Variants in CRISPLD2 observed in about 807,000 individuals in gnomAD.
CRISPLD2 encodes the protein cysteine rich secretory protein LCCL domain containing 2, also known as cysteine-rich secretory protein LCCL domain-containing 2.
In CRISPLD2, 47 loss-of-function variants were observed where a neutral mutation model predicts 71.1. The observed-to-expected ratio is 0.66, with a 90% CI of 0.52 to 0.84. The LOEUF (loss-of-function observed/expected upper bound fraction) is 0.84. Among genes scored for constraint, CRISPLD2 ranks in the 40% least tolerant of loss-of-function variants. The probability of loss-of-function intolerance (pLI) is 0.00; values close to 1 mark genes in which losing one functional copy is unlikely to be tolerated. For missense variants in CRISPLD2, 830 were observed against 651.1 expected (o/e 1.27, Z -2.99); for synonymous variants, 317 against 250.1 (o/e 1.27, Z -2.52).
At chr16:84,876,511 A>G (rs987925667) in intron 11 of CRISPLD2, among the ~76,000 whole-genome samples, 1 of 150,528 alleles carries the variant, frequency 6.6e-6, no homozygotes, top group African/African-American at 2.5e-5. Context: ...CAAAAAAAAA[A>G]GGCCGGTGCA....
At chr16:84,852,163 C>A (rs1020191851) in intron 5 of CRISPLD2, among the ~76,000 whole-genome samples, 64 of 152,234 alleles carry the variant, frequency 4.2e-4, no homozygotes, top group African/African-American at 1.5e-3. Flanking sequence ...AGGACTTCAC[C>A]TGTTGACGTC....
chr16:84,834,243 G>A (rs375420071), intron 1 of CRISPLD2, among the ~76,000 whole-genome samples: 3 of 152,220 alleles, frequency 2.0e-5, no homozygotes, highest in South Asian at 2.1e-4. Context: ...GGTCTTCCCC[G>A]GCGGCCCCCT....
intron 6 of CRISPLD2, among the ~76,000 whole-genome samples, chr16:84,860,969 G>C (rs999571968): frequency 6.6e-6 from 1 of 152,076 alleles, no homozygotes; most frequent in African/African-American, 2.4e-5. Context: ...CACTTTGTCC[G>C]GTGAACTTAG....
At chr16:84,887,185 G>A (rs939169029) in intron 13 of CRISPLD2, among the ~76,000 whole-genome samples, 1 of 152,214 alleles carries the variant, frequency 6.6e-6, no homozygotes, top group African/African-American at 2.4e-5. Context: ...GAGCGTTTCA[G>A]AGGTGACATA....
intron 14 of CRISPLD2, among the ~76,000 whole-genome samples, chr16:84,904,445 G>A (rs59296050): frequency 0.61 from 92,452 of 151,816 alleles, 28,523 homozygotes; most frequent in East Asian, 0.84. Flanking sequence ...TTAGCCCCGC[G>A]TGGTGGTGTG....
chr16:84,898,970 G>A (rs1324643348), intron 14 of CRISPLD2, among the ~76,000 whole-genome samples: 1 of 152,140 alleles, frequency 6.6e-6, no homozygotes, highest in Non-Finnish European at 1.5e-5. Context: ...AGTTGTGATT[G>A]CACCATTGCA....
chr16:84,850,019 C>T (rs1435422992), intron 4 of CRISPLD2, among the ~76,000 whole-genome samples: 2 of 151,884 alleles, frequency 1.3e-5, no homozygotes, highest in African/African-American at 4.8e-5. Flanking sequence ...AGCTACTGCA[C>T]TCAACCGAGA....
At chr16:84,905,251 A>G (rs1389216697) in intron 14 of CRISPLD2, among the ~76,000 whole-genome samples, 3 of 152,216 alleles carry the variant, frequency 2.0e-5, no homozygotes, top group Non-Finnish European at 4.4e-5. Context: ...TTGGTGACAG[A>G]CCTTGTGTCT....
chr16:84,894,441 C>G (rs1005804215), intron 14 of CRISPLD2, among the ~76,000 whole-genome samples: 1 of 152,144 alleles, frequency 6.6e-6, no homozygotes, highest in South Asian at 2.1e-4. Flanking sequence ...TATATGGGTG[C>G]ACAGCCATCT....
chr16:84,881,263 A>G (rs1438381789), intron 13 of CRISPLD2, among the ~76,000 whole-genome samples: 1 of 152,240 alleles, frequency 6.6e-6, no homozygotes, highest in East Asian at 1.9e-4. Flanking sequence ...TCAGTTATGC[A>G]CACACTTAGC....
At chr16:84,830,120 C>T (rs144423431) in intron 1 of CRISPLD2, among the ~76,000 whole-genome samples, 319 of 152,002 alleles carry the variant, frequency 2.1e-3, no homozygotes, top group Non-Finnish European at 3.7e-3. Flanking sequence ...CTCGGGAGTT[C>T]GAGGGTGGCC....
Position 84,873,087 on chromosome 16 carries a change from C to T in CRISPLD2, c.1077C>T (p.Phe359=), listed in dbSNP as rs762791289. Reference sequence around the variant, plus strand: ...CCAGGAACGGGAAGGTCCCCTTCTTCGTGAAGTCTGAGAGACACGGCGTGC... The same window carrying T: ...CCAGGAACGGGAAGGTCCCCTTCTTTGTGAAGTCTGAGAGACACGGCGTGC... ...DITRNGKVPF[F]VKSERHGVQS... The change falls in exon 10 of 15, where the codon TTC becomes TTT. Residue 359 remains phenylalanine, a synonymous_variant. Transcript: ENST00000262424. 1.2e-5 allele frequency: 20 copies of T among 1,613,976 alleles called. No individual in the cohort carries two copies. Among genetic ancestry groups the T allele is most frequent in the Middle Eastern group, 1.6e-4 (1 of 6,062 alleles).
Position 84,849,410 on chromosome 16 carries a change from C to G in CRISPLD2, c.385C>G (p.Gln129Glu). Residue 129 changes from glutamine (Q) to glutamate (E), a missense_variant, in exon 4 of 15, where the codon CAG (glutamine) becomes GAG (glutamate). Gln to Glu is a conservative substitution (Grantham distance 29). Coordinates refer to ENST00000262424, the MANE Select transcript of CRISPLD2 (RefSeq NM_031476.4). Reference protein sequence around the residue: ...GRYRSPGFHVQSWYDEVKDYT... With the variant: ...GRYRSPGFHVESWYDEVKDYT... ...GTATCGCTCTCCGGGGTTCCATGTG[C>G]AGTCCTGGTATGACGAGGTGAAGGA... 1 of 1,614,010 alleles carries G rather than the reference C, an allele frequency of 6.2e-7. No individual in the cohort carries two copies. Among genetic ancestry groups the G allele is most frequent in the Non-Finnish European group, 8.5e-7 (1 of 1,179,918 alleles).
In CRISPLD2 at chr16:84,849,675, C is replaced by T. The variant is rs148634199; in HGVS notation, c.492+158C>T. Among the ~76,000 whole-genome samples, 19 of 152,188 alleles carry T rather than the reference C, an allele frequency of 1.2e-4. No individual in the cohort carries two copies. The East Asian group carries it at 2.7e-3, about 22-fold the overall frequency. On this transcript the variant is annotated intron_variant, in intron 4 of 14. Coordinates refer to ENST00000262424, the MANE Select transcript of CRISPLD2 (RefSeq NM_031476.4). Reference sequence around the variant, plus strand: ...TACAGAGTACAGCTGGGAGAAGAAGCTGTTTGTTACCAGCAAGGTCAGAAA... The same window carrying T: ...TACAGAGTACAGCTGGGAGAAGAAGTTGTTTGTTACCAGCAAGGTCAGAAA...
At chr16:84,841,340 T>C (rs1033434114) in intron 2 of CRISPLD2, among the ~76,000 whole-genome samples, 1 of 152,068 alleles carries the variant, frequency 6.6e-6, no homozygotes, top group African/African-American at 2.4e-5. Context: ...GTCTCTTTCC[T>C]TAACGGGAGA....
intron 3 of CRISPLD2, among the ~76,000 whole-genome samples, chr16:84,846,759 C>T (rs953656364): frequency 6.6e-6 from 1 of 152,192 alleles, no homozygotes; most frequent in South Asian, 2.1e-4. Flanking sequence ...TTCTCCAGAC[C>T]CCCGAGGCTT....
intron 6 of CRISPLD2, among the ~76,000 whole-genome samples, chr16:84,856,924 G>A (rs577005009): frequency 1.3e-5 from 2 of 152,336 alleles, no homozygotes; most frequent in African/African-American, 2.4e-5. Flanking sequence ...GTGAGTCCAC[G>A]GATGGTAGTC....
intron 8 of CRISPLD2, among the ~76,000 whole-genome samples, chr16:84,869,700 C>G (rs2071449129): frequency 6.6e-6 from 1 of 152,248 alleles, no homozygotes; most frequent in Admixed American, 6.5e-5. Context: ...TTGCATGTCT[C>G]TGTGCTGGGC....
At chr16:84,901,790 T>TTC (rs1170999007) in intron 14 of CRISPLD2, among the ~76,000 whole-genome samples, 33 of 123,528 alleles carry the variant, frequency 2.7e-4, no homozygotes, top group Non-Finnish European at 4.0e-4. Flanking sequence ...GGTTGCACTT[T>TTC]TTTTTTTTTT....
Sources: gnomAD v4.1 joint callset for allele counts (sites outside exome capture counted in the v4.1 genomes callset) on GRCh38, gnomAD v4.1.1 for gene constraint, MANE v1.5 for transcripts, NCBI Gene and HGNC (gene_info 2026-07-23, HGNC 2026-07-21) for gene names.